TAB1: variants seen among roughly 807,000 people sequenced by gnomAD.
The protein encoded by TAB1 is TGF-beta-activated kinase 1 and MAP3K7-binding protein 1.
A neutral mutation model predicts 54.5 loss-of-function variants in TAB1; 30 were observed. The observed-to-expected ratio is 0.55, with a 90% confidence interval of 0.41 to 0.75. The LOEUF (loss-of-function observed/expected upper bound fraction) is 0.75. TAB1 is among the 30% of genes least tolerant of loss of function. TAB1 has a pLI of 0.00. For synonymous variants in TAB1, 289 were observed against 286.9 expected, an observed-to-expected ratio of 1.01 and a Z score of -0.07; for missense variants, 609 against 683.2, an observed-to-expected ratio of 0.89 and a Z score of 1.21.
intron 6 of TAB1, 67 bp downstream of exon 6, chr22:39,418,912 G>A (rs1259370356): frequency 1.5e-6 from 2 of 1,292,896 alleles, no homozygotes; most frequent in Non-Finnish European, 2.2e-6. Context: ...CTTTGGTGGT[G>A]GGGTAGAGAG....
chr22:39,410,673 A>G (rs1926569876), intron 1 of TAB1, among the ~76,000 whole-genome samples: 1 of 151,964 alleles, frequency 6.6e-6, no homozygotes, highest in Non-Finnish European at 1.5e-5. Context: ...TTGTGTTAAT[A>G]AAAATAAATA....
intron 1 of TAB1, among the ~76,000 whole-genome samples, chr22:39,403,729 C>T (rs756688129): frequency 2.6e-4 from 39 of 151,184 alleles, no homozygotes; most frequent in Non-Finnish European, 4.1e-4. Context: ...AGCTCCGCCT[C>T]CCAGGTTCAC....
intron 1 of TAB1, among the ~76,000 whole-genome samples, chr22:39,401,767 C>T (rs1926154068): frequency 1.3e-5 from 2 of 152,170 alleles, no homozygotes; most frequent in African/African-American, 4.8e-5. Context: ...CATCAGAAGG[C>T]CCCTCCGCCC....
intron 1 of TAB1, among the ~76,000 whole-genome samples, chr22:39,409,629 T>C (rs990290634): frequency 4.6e-5 from 7 of 152,200 alleles, no homozygotes; most frequent in African/African-American, 1.7e-4. Flanking sequence ...GGAAGCCTCC[T>C]TCTCTGCCTT....
Position 39,402,625 on chromosome 22 carries a change from T to G in TAB1, c.33+2790T>G, listed in dbSNP as rs192911385. Among the ~76,000 whole-genome samples the G allele has an allele frequency of 4.4e-3, 674 of 151,962 alleles. 7 individuals are homozygous for G. The highest frequency in any genetic ancestry group is 0.016 in the African/African-American group (650 of 41,416). The stretch of plus-strand genomic sequence containing the variant: ...TGGAGTGAAGCGGTGTGATCTCGGC[T>G]CACTGCAACCTCTGCTTCGTGGGTT... On this transcript the variant is annotated intron_variant, in intron 1 of 10. Coordinates refer to ENST00000216160, the MANE Select transcript of TAB1 (RefSeq NM_006116.3).
At chr22:39,422,476 T>C (rs961131162) in intron 8 of TAB1, among the ~76,000 whole-genome samples, 3 of 144,386 alleles carry the variant, frequency 2.1e-5, no homozygotes, top group African/African-American at 7.7e-5. Flanking sequence ...TGGCATGATC[T>C]CGGCTCACTG....
downstream of TAB1, among the ~76,000 whole-genome samples, chr22:39,435,399 G>A (rs1392386364): frequency 2.0e-5 from 3 of 152,110 alleles, no homozygotes; most frequent in Non-Finnish European, 2.9e-5. Flanking sequence ...ACTCTCCACT[G>A]CTCAGGGCCA....
chr22:39,416,349 C>G (rs1345777064), intron 3 of TAB1, among the ~76,000 whole-genome samples: 1 of 152,184 alleles, frequency 6.6e-6, no homozygotes, highest in African/African-American at 2.4e-5. Context: ...AGTAATCATA[C>G]GAGCTGTCAT....
chr22:39,409,878 TTTCTC>T (rs1206563634), intron 1 of TAB1, among the ~76,000 whole-genome samples: 5 of 152,224 alleles, frequency 3.3e-5, no homozygotes, highest in African/African-American at 1.2e-4. Flanking sequence ...GCCTCTCTGT[TTTCTC>T]TTCTGTGTCC....
At chr22:39,427,698 A>G (rs1927411743) in intron 9 of TAB1, among the ~76,000 whole-genome samples, 1 of 152,340 alleles carries the variant, frequency 6.6e-6, no homozygotes, top group East Asian at 1.9e-4. Context: ...GTCAGCCTCA[A>G]CTGGGAGCAA....
chr22:39,420,775 C>CTCTGTGTGTGTG (rs1555950643), intron 7 of TAB1, among the ~76,000 whole-genome samples: 2 of 71,812 alleles, frequency 2.8e-5, no homozygotes, highest in African/African-American at 1.0e-4. Flanking sequence ...CACGGTGTCT[C>CTCTGTGTGTGTG]TGTGTGTGTG....
downstream of TAB1, among the ~76,000 whole-genome samples, chr22:39,434,761 G>A (rs571425815): frequency 9.2e-5 from 14 of 152,340 alleles, no homozygotes; most frequent in African/African-American, 3.4e-4. Context: ...GCCCCTTCTT[G>A]TCCTGGTTCT....
intron 1 of TAB1, among the ~76,000 whole-genome samples, chr22:39,408,980 C>T (rs1363854267): frequency 1.3e-5 from 2 of 152,182 alleles, no homozygotes; most frequent in East Asian, 1.9e-4. Context: ...ATTACAGCAT[C>T]GAAGACAGGT....
intron 3 of TAB1, among the ~76,000 whole-genome samples, chr22:39,416,150 C>A (rs2145668444): frequency 6.6e-6 from 1 of 152,226 alleles, no homozygotes; most frequent in African/African-American, 2.4e-5. Flanking sequence ...ATGTCTCAGG[C>A]CCATTTCAGA....
At chr22:39,424,006 A>G (rs553832013) in intron 8 of TAB1, among the ~76,000 whole-genome samples, 9 of 152,286 alleles carry the variant, frequency 5.9e-5, no homozygotes, top group South Asian at 2.1e-4. Flanking sequence ...CACCACTGCC[A>G]TCCTCCCGCC....
At chr22:39,436,044 C>T (rs1927771247), downstream of TAB1, among the ~76,000 whole-genome samples, 4 of 152,212 alleles carry the variant, frequency 2.6e-5, no homozygotes, top group Admixed American at 6.5e-5. Flanking sequence ...ATAATCCCAG[C>T]ACTTTGGGAG....
chr22:39,436,636 G>C (rs1381503209), downstream of TAB1: 17 of 1,315,618 alleles, frequency 1.3e-5, no homozygotes, highest in Non-Finnish European at 1.9e-5. Context: ...TTGTCGCCTG[G>C]TCTGACTTGT....
intron 7 of TAB1, among the ~76,000 whole-genome samples, chr22:39,421,410 C>T (rs1175371326): frequency 6.6e-6 from 1 of 152,150 alleles, no homozygotes; most frequent in Admixed American, 6.5e-5. Flanking sequence ...CTAAAGGATC[C>T]CTGTACACAT....
At chr22:39,409,245 C>A (rs1020542570) in intron 1 of TAB1, among the ~76,000 whole-genome samples, 1 of 152,096 alleles carries the variant, frequency 6.6e-6, no homozygotes, top group African/African-American at 2.4e-5. Flanking sequence ...TAATTTCATT[C>A]CAGCTGGTGG....
Sources: gnomAD v4.1 joint callset for allele counts (sites outside exome capture counted in the v4.1 genomes callset) on GRCh38, gnomAD v4.1.1 for gene constraint, MANE v1.5 for transcripts, NCBI Gene and HGNC (gene_info 2026-07-23, HGNC 2026-07-21) for gene names.